The following LRRC7 variants were observed in gnomAD, a reference collection of about 807,000 sequenced individuals.
LRRC7 encodes the protein leucine rich repeat containing 7.
LRRC7 carries 23 observed loss-of-function variants against 175.7 expected under a neutral mutation model. The observed-to-expected ratio is 0.13, with a 90% CI of 0.09 to 0.19. The LOEUF is 0.19. Ranked by LOEUF, LRRC7 falls within the 10% of genes least tolerant of loss-of-function variation. The pLI, the probability that LRRC7 is intolerant of heterozygous loss-of-function variation, is 1.00. For missense variants in LRRC7, 1,354 were observed against 1,904.7 expected, an observed-to-expected ratio of 0.71 and a Z score of 5.38; for synonymous variants, 685 against 680.9, an observed-to-expected ratio of 1.01 and a Z score of -0.09.
intron 2 of LRRC7, among the ~76,000 whole-genome samples, chr1:69,729,933 C>T (rs147117324): frequency 1.5e-3 from 225 of 152,308 alleles, no homozygotes; most frequent in African/African-American, 4.8e-3. Context: ...GAAATCTAAG[C>T]GGAGGTTCCC....
At chr1:69,780,032 T>C (rs1673306535) in intron 3 of LRRC7, among the ~76,000 whole-genome samples, 1 of 152,220 alleles carries the variant, frequency 6.6e-6, no homozygotes, top group African/African-American at 2.4e-5. Flanking sequence ...TGCTCACTTC[T>C]ACTAACAGTG....
Position 70,055,749 on chromosome 1 carries a change from C to A in LRRC7, c.4230+2604C>A, listed in dbSNP as rs1661100927. Among the ~76,000 whole-genome samples, 3 of 152,088 alleles carry A rather than the reference C, an allele frequency of 2.0e-5. No homozygotes were observed. The South Asian group carries it at 6.2e-4, about 32-fold the overall frequency. On this transcript the variant is annotated intron_variant, in intron 23 of 26. Transcript: ENST00000651989. ...CATAAGAACCCCATCACAAGAACAG[C>A]AAGAGGAAAATCCACTCCCGTGATT...
At chr1:69,858,231 CA>C (rs1483832113) in intron 7 of LRRC7, among the ~76,000 whole-genome samples, 2 of 152,076 alleles carry the variant, frequency 1.3e-5, no homozygotes, top group Non-Finnish European at 2.9e-5. Flanking sequence ...ACACCAAAAG[CA>C]ATGGCAACAA....
chr1:69,630,456 G>A (rs1652305661), intron 1 of LRRC7, among the ~76,000 whole-genome samples: 1 of 152,024 alleles, frequency 6.6e-6, no homozygotes, highest in Admixed American at 6.6e-5. Context: ...ATGATTGCCA[G>A]CCCATCTACA....
At chr1:70,074,340 A>G (rs1662618069) in intron 23 of LRRC7, among the ~76,000 whole-genome samples, 2 of 152,226 alleles carry the variant, frequency 1.3e-5, no homozygotes, top group Non-Finnish European at 2.9e-5. Context: ...GCAGCAAGCA[A>G]GAGTTGAATT....
Position 69,771,848 on chromosome 1 carries a change from C to T in LRRC7, c.303+11455C>T, listed in dbSNP as rs146269956. On this transcript the variant is annotated intron_variant, in intron 3 of 26. Coordinates refer to ENST00000651989, the MANE Select transcript of LRRC7 (RefSeq NM_001370785.2). Reference sequence around the variant, plus strand: ...TGAAAATAAAGCAGGGGTCCAGGCACGGTGGCTCACACCTGCAATCCCAGC... The same window carrying T: ...TGAAAATAAAGCAGGGGTCCAGGCATGGTGGCTCACACCTGCAATCCCAGC... Among the ~76,000 whole-genome samples the T allele has an allele frequency of 8.6e-4, 131 of 152,228 alleles. 1 individual carries two copies. Among genetic ancestry groups the T allele is most frequent in the African/African-American group, 2.8e-3 (118 of 41,546 alleles).
rs2102013624 is a variant in LRRC7 at position 70,034,613 on chromosome 1, T to G, written c.1996-1508T>G. 1.3e-5 allele frequency among the ~76,000 whole-genome samples: 2 copies of G among 152,250 alleles called. 1 individual carries two copies. Among genetic ancestry groups the G allele is most frequent in the South Asian group, 4.1e-4 (2 of 4,824 alleles). ...GTTCTTTGTGTGCTCACAGCTGAGC[T>G]CACCAGGAGGCAGCACAAGGTAAGG... On this transcript the variant is annotated intron_variant, in intron 18 of 26. Coordinates refer to ENST00000651989, the MANE Select transcript of LRRC7 (RefSeq NM_001370785.2).
At chr1:69,609,107 G>A (rs1374631972) in intron 1 of LRRC7, among the ~76,000 whole-genome samples, 2 of 151,558 alleles carry the variant, frequency 1.3e-5, no homozygotes, top group Admixed American at 6.6e-5. Context: ...AGTTTGGATG[G>A]GAGAAAAACT....
At chr1:69,651,887 C>A (rs923807937) in intron 1 of LRRC7, among the ~76,000 whole-genome samples, 1 of 152,088 alleles carries the variant, frequency 6.6e-6, no homozygotes, top group African/African-American at 2.4e-5. Context: ...GCAGAGTTTG[C>A]ATTCCTGGAG....
At chr1:69,722,036 C>G (rs1270502273) in intron 2 of LRRC7, among the ~76,000 whole-genome samples, 1 of 151,946 alleles carries the variant, frequency 6.6e-6, no homozygotes, top group Non-Finnish European at 1.5e-5. Flanking sequence ...TCTCCCAACT[C>G]TATCCCTAGC....
chr1:69,949,943 C>T (rs939877715), intron 8 of LRRC7, among the ~76,000 whole-genome samples: 3 of 151,930 alleles, frequency 2.0e-5, no homozygotes. Flanking sequence ...GAATCTACTT[C>T]GTGTCTTCTA....
intron 2 of LRRC7, among the ~76,000 whole-genome samples, chr1:69,718,084 GAAAA>G (rs759091103): frequency 4.1e-4 from 34 of 83,770 alleles, no homozygotes; most frequent in Non-Finnish European, 6.4e-4. Flanking sequence ...AGAAGAGAGA[GAAAA>G]AGAAAGAGAA....
At chr1:69,726,351 C>G (rs1666975925) in intron 2 of LRRC7, among the ~76,000 whole-genome samples, 1 of 152,064 alleles carries the variant, frequency 6.6e-6, no homozygotes, top group Non-Finnish European at 1.5e-5. Context: ...CATAATAAAC[C>G]TCTATAGAGT....
chr1:70,109,982 T>C (rs1665412320), intron 26 of LRRC7, among the ~76,000 whole-genome samples: 1 of 152,214 alleles, frequency 6.6e-6, no homozygotes, highest in South Asian at 2.1e-4. Flanking sequence ...CCTTCCTCCA[T>C]GACAGAAGCA....
intron 4 of LRRC7, among the ~76,000 whole-genome samples, chr1:69,802,392 C>T (rs377306579): frequency 6.0e-5 from 9 of 151,224 alleles, no homozygotes; most frequent in South Asian, 4.1e-4. Context: ...TAAATCTGGG[C>T]GCTCCAGTGG....
chr1:69,919,651 G>A (rs1646822882), intron 7 of LRRC7: 1 of 887,214 alleles, frequency 1.1e-6, no homozygotes, highest in African/African-American at 1.6e-5. Context: ...CAGGAGAGAA[G>A]GACTTTGAGT....
chr1:69,745,824 G>A (rs946169298), intron 2 of LRRC7, among the ~76,000 whole-genome samples: 1 of 151,730 alleles, frequency 6.6e-6, no homozygotes, highest in African/African-American at 2.4e-5. Flanking sequence ...CCAGATCATA[G>A]TAATATTATG....
intron 2 of LRRC7, among the ~76,000 whole-genome samples, chr1:69,693,368 G>A (rs956119733): frequency 3.3e-5 from 5 of 152,144 alleles, no homozygotes; most frequent in Non-Finnish European, 7.4e-5. Context: ...CCTATAGAAT[G>A]TATGTGTATG....
At position 70,079,109 on chromosome 1, in the gene LRRC7, A is replaced by AT. The variant is rs1361626882; in HGVS notation, c.4452+2812dup. Among the ~76,000 whole-genome samples the AT allele has an allele frequency of 2.6e-5, 4 of 152,330 alleles. No individual in the cohort carries two copies. The East Asian group carries it at 7.7e-4, about 29-fold the overall frequency. ...AAATTGAGACCTTTTTAATAAGTGT[A>AT]TGTGGCTGTGTGTTTTAAAAGAAGA... On this transcript the variant is annotated intron_variant, in intron 24 of 26. Transcript: ENST00000651989.
Sources: allele counts gnomAD v4.1 joint callset (sites outside exome capture counted in the v4.1 genomes callset), GRCh38; gene constraint gnomAD v4.1.1; transcripts MANE v1.5; gene names NCBI Gene and HGNC (gene_info 2026-07-23, HGNC 2026-07-21).